MDGA2: variants seen among roughly 807,000 people sequenced by gnomAD.
MDGA2 encodes the protein MAM domain containing glycosylphosphatidylinositol anchor 2.
In MDGA2, 40 loss-of-function variants were observed where a neutral mutation model predicts 117.8. The ratio of observed to expected loss-of-function variants is 0.34; its 90% CI spans 0.26 to 0.44. MDGA2 has a LOEUF of 0.44. Among genes scored for constraint, MDGA2 ranks in the 20% least tolerant of loss-of-function variants. The pLI is 1.00. For synonymous variants in MDGA2, 452 were observed against 439.0 expected (o/e 1.03, Z -0.37); for missense variants, 1,123 against 1,250.6 (o/e 0.90, Z 1.54).
At chr14:47,266,862 CAA>C (rs1887982657) in intron 2 of MDGA2, among the ~76,000 whole-genome samples, 1 of 152,152 alleles carries the variant, frequency 6.6e-6, no homozygotes, top group Admixed American at 6.6e-5. Flanking sequence ...TTTGGGCTCT[CAA>C]AGTCTAGGAG....
intron 1 of MDGA2, among the ~76,000 whole-genome samples, chr14:47,618,760 C>CA (rs1215574856): frequency 2.0e-5 from 3 of 151,960 alleles, no homozygotes; most frequent in Admixed American, 6.6e-5. Flanking sequence ...AAAGCAAAAA[C>CA]AAAAAAACTA....
intron 1 of MDGA2, among the ~76,000 whole-genome samples, chr14:47,540,520 A>ATGTGTG (rs147620834): frequency 0.047 from 4,874 of 102,742 alleles, 369 homozygotes; most frequent in African/African-American, 0.13. Context: ...GTATATGTAT[A>ATGTGTG]TGTGTGTGTG....
chr14:47,008,184 T>C, intron 8 of MDGA2, among the ~76,000 whole-genome samples: 1 of 151,876 alleles, frequency 6.6e-6, no homozygotes, highest in East Asian at 1.9e-4. Context: ...TAGAAATGTG[T>C]ATGTTAGAGA....
intron 1 of MDGA2, among the ~76,000 whole-genome samples, chr14:47,599,497 G>C (rs1896607766): frequency 6.6e-6 from 1 of 151,982 alleles, no homozygotes; most frequent in Admixed American, 6.6e-5. Flanking sequence ...TTAGAATAAG[G>C]AGTCATGAGA....
intron 1 of MDGA2, among the ~76,000 whole-genome samples, chr14:47,453,512 C>G (rs1168122519): frequency 6.6e-6 from 1 of 152,126 alleles, no homozygotes; most frequent in Non-Finnish European, 1.5e-5. Flanking sequence ...ATAGTAAATT[C>G]TGAGTAAATC....
intron 1 of MDGA2, among the ~76,000 whole-genome samples, chr14:47,637,120 C>A (rs558805479): frequency 6.6e-6 from 1 of 152,078 alleles, no homozygotes; most frequent in Non-Finnish European, 1.5e-5. Flanking sequence ...TTATGAGACC[C>A]GCTATTTTAT....
chr14:47,397,118 T>G (rs1411685441), intron 1 of MDGA2, among the ~76,000 whole-genome samples: 3 of 152,148 alleles, frequency 2.0e-5, no homozygotes, highest in Non-Finnish European at 4.4e-5. Context: ...AAAGAAAATG[T>G]GGCACATATT....
At chr14:47,539,177 G>A (rs1389614096) in intron 1 of MDGA2, among the ~76,000 whole-genome samples, 4 of 152,172 alleles carry the variant, frequency 2.6e-5, no homozygotes, top group African/African-American at 4.8e-5. Flanking sequence ...CTGTACATAG[G>A]AGACCATCTA....
intron 7 of MDGA2, among the ~76,000 whole-genome samples, chr14:47,051,337 G>T (rs1461000207): frequency 6.6e-6 from 1 of 151,810 alleles, no homozygotes. Flanking sequence ...AATATGTGGA[G>T]ACCTGTCCCA....
chr14:47,206,124 C>G (rs940064714), intron 3 of MDGA2, among the ~76,000 whole-genome samples: 2 of 152,000 alleles, frequency 1.3e-5, no homozygotes, highest in Non-Finnish European at 2.9e-5. Flanking sequence ...ATACTGACCC[C>G]TCAGAGAACT....
At chr14:47,343,615 A>T (rs1219207660) in intron 1 of MDGA2, among the ~76,000 whole-genome samples, 1 of 152,180 alleles carries the variant, frequency 6.6e-6, no homozygotes, top group Non-Finnish European at 1.5e-5. Flanking sequence ...AAAGGAACAA[A>T]GATGCCATTT....
intron 8 of MDGA2, among the ~76,000 whole-genome samples, chr14:46,992,445 TA>T (rs1179137737): frequency 1.3e-5 from 2 of 152,100 alleles, no homozygotes; most frequent in East Asian, 3.9e-4. Flanking sequence ...CTTCTTCCCA[TA>T]AGGGGACAAT....
chr14:47,666,518 T>C (rs79104561), intron 1 of MDGA2, among the ~76,000 whole-genome samples: 1 of 152,180 alleles, frequency 6.6e-6, no homozygotes, highest in African/African-American at 2.4e-5. Context: ...CTAGTGGGAA[T>C]GTGGAGAACT....
intron 1 of MDGA2, among the ~76,000 whole-genome samples, chr14:47,370,437 T>C (rs1369990273): frequency 1.4e-5 from 2 of 145,884 alleles, no homozygotes; most frequent in African/African-American, 5.0e-5. Flanking sequence ...TATCTGAATA[T>C]CTGAATTACT....
At chr14:47,020,869 A>G (rs1181593533) in intron 8 of MDGA2, among the ~76,000 whole-genome samples, 2 of 152,134 alleles carry the variant, frequency 1.3e-5, no homozygotes, top group Admixed American at 1.3e-4. Context: ...CCTTTATGAC[A>G]GTGTACTTTC....
chr14:46,844,532 G>C (rs1449009829), intron 16 of MDGA2, among the ~76,000 whole-genome samples: 2 of 151,978 alleles, frequency 1.3e-5, no homozygotes, highest in Non-Finnish European at 1.5e-5. Context: ...AGTGAGCAGA[G>C]ATTGCACTGT....
intron 8 of MDGA2, among the ~76,000 whole-genome samples, chr14:47,022,965 C>A (rs961159607): frequency 3.3e-5 from 5 of 152,006 alleles, no homozygotes; most frequent in African/African-American, 1.2e-4. Flanking sequence ...AGTGTGGTTA[C>A]CCAAGCCAAA....
chr14:47,128,595 A>G (rs1882023295), intron 5 of MDGA2, among the ~76,000 whole-genome samples: 1 of 151,984 alleles, frequency 6.6e-6, no homozygotes, highest in African/African-American at 2.4e-5. Flanking sequence ...GTTTCTCAAT[A>G]TCCAATTTCC....
At chr14:47,425,436 G>A (rs543275464) in intron 1 of MDGA2, among the ~76,000 whole-genome samples, 1 of 152,198 alleles carries the variant, frequency 6.6e-6, no homozygotes, top group East Asian at 1.9e-4. Flanking sequence ...TCCCAAGAAT[G>A]CTTTCTAACA....
Sources: allele counts gnomAD v4.1 joint callset (sites outside exome capture counted in the v4.1 genomes callset), GRCh38; gene constraint gnomAD v4.1.1; transcripts MANE v1.5; gene names NCBI Gene and HGNC (gene_info 2026-07-23, HGNC 2026-07-21).